MRE11: variants seen among roughly 807,000 people sequenced by gnomAD.
MRE11 encodes the protein double-strand break repair protein MRE11.
A neutral mutation model predicts 91.7 loss-of-function variants in MRE11; 62 were observed. That is an observed-to-expected ratio of 0.68 (90% CI 0.55 to 0.84). The LOEUF is 0.84. MRE11 is among the 40% of genes least tolerant of loss of function. The probability of loss-of-function intolerance (pLI) is 0.00; values close to 1 mark genes in which losing one functional copy is unlikely to be tolerated. For synonymous variants in MRE11, 273 were observed against 271.4 expected, an observed-to-expected ratio of 1.01 and a Z score of -0.06; for missense variants, 796 against 852.9, an observed-to-expected ratio of 0.93 and a Z score of 0.83.
chr11:94,463,179 A>G (rs992242010), intron 11 of MRE11, among the ~76,000 whole-genome samples: 2 of 152,242 alleles, frequency 1.3e-5, no homozygotes, highest in Non-Finnish European at 2.9e-5. Context: ...CACATGAAAA[A>G]ATGCTCATCA....
chr11:94,485,814 T>A lies in MRE11; in HGVS notation c.314+110A>T, dbSNP rs940269582. 47 of 1,018,172 alleles carry A rather than the reference T, an allele frequency of 4.6e-5. No homozygotes were observed. The African/African-American group carries it at 7.1e-4, about 15-fold the overall frequency. The allele number at this position is 1,018,172 out of a possible 1,614,324, so 63.1% of individuals were successfully genotyped here. On this transcript the variant is annotated intron_variant, in intron 4 of 19. Coordinates refer to ENST00000323929, the MANE Select transcript of MRE11 (RefSeq NM_005591.4). ...ACAAAAAAATTCAAAGAATGATATTTACTAAGAAAATAGCTTATATGGAAG... is the reference window on the plus strand; with the variant it reads ...ACAAAAAAATTCAAAGAATGATATTAACTAAGAAAATAGCTTATATGGAAG...
chr11:94,496,946 A>T, upstream of MRE11: 3 of 1,613,440 alleles, frequency 1.9e-6, no homozygotes, highest in Non-Finnish European at 2.5e-6. Flanking sequence ...TGCTGAAAAA[A>T]ATCGGGTAAA....
At chr11:94,433,011 T>C (rs1945505896) in intron 18 of MRE11, among the ~76,000 whole-genome samples, 1 of 152,192 alleles carries the variant, frequency 6.6e-6, no homozygotes, top group East Asian at 1.9e-4. Context: ...TCTCAATATA[T>C]GGCACAATGT....
intron 11 of MRE11, 36 bp downstream of exon 11, chr11:94,464,077 G>C: frequency 1.3e-6 from 2 of 1,598,814 alleles, no homozygotes; most frequent in Non-Finnish European, 1.7e-6. Context: ...AATCCTATAA[G>C]AACATTTTTT....
chr11:94,461,397 C>T (rs1057367565), intron 11 of MRE11, among the ~76,000 whole-genome samples: 10 of 152,278 alleles, frequency 6.6e-5, no homozygotes, highest in African/African-American at 9.6e-5. Flanking sequence ...GCTACACTGA[C>T]GATGCAAAAG....
At chr11:94,481,584 A>G (rs1947013907) in intron 4 of MRE11, among the ~76,000 whole-genome samples, 1 of 152,198 alleles carries the variant, frequency 6.6e-6, no homozygotes, top group Admixed American at 6.5e-5. Context: ...CATACTTAGA[A>G]GCCTTCCCCA....
chr11:94,471,780 A>G lies in MRE11; in HGVS notation c.660-21T>C, dbSNP rs983865845. On this transcript the variant is annotated intron_variant, in intron 7 of 19. Transcript: ENST00000323929. The stretch of plus-strand genomic sequence containing the variant: ...TACTCCTGTATCAAGATTTTGAAAA[A>G]TATAAATTCGGTGATTAGAAAAATT... The G allele has an allele frequency of 3.1e-6, 5 of 1,589,180 alleles. No homozygotes were observed. In the African/African-American group the frequency reaches 6.7e-5, roughly 21 times the overall value.
At chr11:94,488,725 G>T (rs528547779) in intron 3 of MRE11, among the ~76,000 whole-genome samples, 3 of 152,094 alleles carry the variant, frequency 2.0e-5, no homozygotes, top group African/African-American at 7.2e-5. Context: ...ATACTTGTAA[G>T]TGGGAGCTAA....
chr11:94,504,180 A>G, the MRE11 span, among the ~76,000 whole-genome samples: 1 of 152,238 alleles, frequency 6.6e-6, no homozygotes, highest in Non-Finnish European at 1.5e-5. Flanking sequence ...ATGATTTTGC[A>G]GGTGTACACA....
intron 7 of MRE11, among the ~76,000 whole-genome samples, chr11:94,476,036 G>C (rs1377997689): frequency 1.3e-5 from 2 of 152,164 alleles, no homozygotes; most frequent in East Asian, 1.9e-4. Context: ...CCAACAAAAA[G>C]ATTCTACCTT....
chr11:94,447,967 T>A (rs370412099), intron 14 of MRE11, among the ~76,000 whole-genome samples: 12 of 151,928 alleles, frequency 7.9e-5, no homozygotes, highest in African/African-American at 2.9e-4. Flanking sequence ...TTTGAAAAGG[T>A]TTACCAAGAA....
chr11:94,442,320 A>T (rs1945803455), intron 16 of MRE11, among the ~76,000 whole-genome samples: 1 of 152,202 alleles, frequency 6.6e-6, no homozygotes, highest in Admixed American at 6.5e-5. Flanking sequence ...ATTTTTTAAA[A>T]AACAAAAACC....
intron 14 of MRE11, among the ~76,000 whole-genome samples, chr11:94,455,463 T>C (rs1027956716): frequency 2.6e-5 from 4 of 151,974 alleles, no homozygotes; most frequent in Admixed American, 6.6e-5. Flanking sequence ...AAACTAACAG[T>C]ACATAGTTTA....
chr11:94,448,442 A>T (rs1591656825), intron 14 of MRE11, among the ~76,000 whole-genome samples: 3 of 151,888 alleles, frequency 2.0e-5, no homozygotes, highest in Admixed American at 2.0e-4. Context: ...ACACAAAAGA[A>T]CAAAATTAGC....
At chr11:94,491,948 T>C (rs1451066515) in intron 2 of MRE11, among the ~76,000 whole-genome samples, 1 of 152,186 alleles carries the variant, frequency 6.6e-6, no homozygotes, top group Admixed American at 6.5e-5. Flanking sequence ...TATGAAGTAT[T>C]TTCTCATGAA....
rs1945965518 is a variant in MRE11, at chr11:94,447,369, G to A, written c.1633C>T (p.Leu545Phe). Residue 545 changes from leucine (L) to phenylalanine (F), a missense_variant, in exon 15 of 20, where the codon CTT becomes TTT. Physicochemically the swap from Leu to Phe is conservative, Grantham distance 22. Transcript: ENST00000323929. ...ESASAFSADD[L>F]MSIDLAEQMA... ...TGTTCTGCTAAATCTATACTCATAA[G>A]GTCATCAGCACTAAAGGCAGAAGCA... 1 of 1,614,086 alleles carries A rather than the reference G, an allele frequency of 6.2e-7. No individual in the cohort carries two copies.
Position 94,419,465 on chromosome 11 carries a change from G to GGGGAGAGGGGGAGAGA in MRE11, c.*659_*660insTCTCTCCCCCTCTCCC, listed in dbSNP as rs373002609. On this transcript the variant is annotated 3_prime_UTR_variant, in exon 20 of 20. Transcript: ENST00000323929. ...GAAGAGTGGGGAACGGGGGGGAGAG[G>GGGGAGAGGGGGAGAGA]GAGAGAGAGAGAGAGAGAGAGAGAG... The GGGGAGAGGGGGAGAGA allele has an allele frequency of 5.1e-6, 1 of 196,690 alleles. No individual in the cohort carries two copies. Among genetic ancestry groups the GGGGAGAGGGGGAGAGA allele is most frequent in the Non-Finnish European group, 9.9e-6 (1 of 100,752 alleles). 12.2% of individuals were successfully genotyped at this position (196,690 alleles called of 1,614,324 possible).
chr11:94,461,179 C>G (rs1026647807), intron 11 of MRE11, 143 bp from the exon 12 acceptor site: 1 of 674,216 alleles, frequency 1.5e-6, no homozygotes, highest in Non-Finnish European at 2.5e-6. Flanking sequence ...TGAGGCAAAA[C>G]AAGCCATTTT....
At position 94,419,465 on chromosome 11, in the gene MRE11, G is replaced by GGAGAGGGAGAGAGAGAGA. The variant is rs1554996391; in HGVS notation, c.*659_*660insTCTCTCTCTCTCCCTCTC. ...GAAGAGTGGGGAACGGGGGGGAGAG[G>GGAGAGGGAGAGAGAGAGA]GAGAGAGAGAGAGAGAGAGAGAGAG... On this transcript the variant is annotated 3_prime_UTR_variant, in exon 20 of 20. Transcript: ENST00000323929. The GGAGAGGGAGAGAGAGAGA allele has an allele frequency of 2.6e-4, 57 of 216,428 alleles. No homozygotes were observed. The highest frequency in any genetic ancestry group is 1.2e-3 in the African/African-American group (50 of 40,706). 13.4% of individuals were successfully genotyped at this position (216,428 alleles called of 1,614,324 possible).
Sources: gnomAD v4.1 joint callset for allele counts (sites outside exome capture counted in the v4.1 genomes callset) on GRCh38, gnomAD v4.1.1 for gene constraint, MANE v1.5 for transcripts, NCBI Gene and HGNC (gene_info 2026-07-23, HGNC 2026-07-21) for gene names.